Variants in MFAP5 observed in about 807,000 individuals in gnomAD.
The protein encoded by MFAP5 is microfibril associated protein 5.
A neutral mutation model predicts 30.1 loss-of-function variants in MFAP5; 19 were observed. That is an observed-to-expected ratio of 0.63 (90% CI 0.44 to 0.93). MFAP5 has a LOEUF of 0.93. Among genes scored for constraint, MFAP5 ranks in the 40% least tolerant of loss-of-function variants. MFAP5 has a pLI of 0.00. For missense variants in MFAP5, 210 were observed against 221.3 expected (o/e 0.95, Z 0.32); for synonymous variants, 92 against 72.9 (o/e 1.26, Z -1.33).
At chr12:8,654,384 G>A in intron 6 of MFAP5, 53 bp downstream of exon 6, 1 of 1,520,994 alleles carries the variant, frequency 6.6e-7, no homozygotes, top group East Asian at 2.3e-5. Context: ...AATGGGCTCT[G>A]GGGAAAGCCT....
At chr12:8,656,603 C>CATATATAT (rs1460861016) in intron 3 of MFAP5, among the ~76,000 whole-genome samples, 5 of 138,884 alleles carry the variant, frequency 3.6e-5, no homozygotes, top group African/African-American at 1.5e-4. Flanking sequence ...CACACACACA[C>CATATATAT]ACACACATAT....
At chr12:8,656,737 C>A (rs151178890) in intron 3 of MFAP5, among the ~76,000 whole-genome samples, 147 of 150,108 alleles carry the variant, frequency 9.8e-4, no homozygotes, top group East Asian at 1.4e-3. Flanking sequence ...CGCACGATCT[C>A]GGCTCACTGC....
chr12:8,648,911 A>G (rs1941756534), intron 9 of MFAP5, among the ~76,000 whole-genome samples: 1 of 152,172 alleles, frequency 6.6e-6, no homozygotes, highest in South Asian at 2.1e-4. Context: ...ATGGTCTACA[A>G]CCACACATTT....
At chr12:8,655,094 A>C (rs998412875) in intron 5 of MFAP5, among the ~76,000 whole-genome samples, 1 of 152,096 alleles carries the variant, frequency 6.6e-6, no homozygotes, top group African/African-American at 2.4e-5. Context: ...CTCGGCCAAC[A>C]TGGTGAAATC....
intron 3 of MFAP5, among the ~76,000 whole-genome samples, chr12:8,658,860 C>CACT (rs1322421187): frequency 1.3e-5 from 2 of 151,986 alleles, no homozygotes; most frequent in African/African-American, 4.8e-5. Context: ...GAGAGAGTCT[C>CACT]ACTCTGTTGC....
At chr12:8,649,306 G>T (rs1941765878) in intron 9 of MFAP5, among the ~76,000 whole-genome samples, 195 bp downstream of exon 9, 1 of 151,798 alleles carries the variant, frequency 6.6e-6, no homozygotes, top group Non-Finnish European at 1.5e-5. Flanking sequence ...TTTTCTTAGG[G>T]TTATGTTTGT....
intron 3 of MFAP5, chr12:8,658,662 G>A (rs35253464): frequency 0.12 from 18,823 of 151,924 alleles, 1,516 homozygotes; most frequent in African/African-American, 0.23. Context: ...AAGCAATGGG[G>A]GAACAGAGGG....
chr12:8,660,881 C>A lies in MFAP5; in HGVS notation c.76G>T (p.Val26Phe). 5 of 1,612,546 alleles carry A rather than the reference C, an allele frequency of 3.1e-6. No individual in the cohort carries two copies. Among genetic ancestry groups the A allele is most frequent in the Non-Finnish European group, 4.2e-6 (5 of 1,178,886 alleles). The change falls in exon 3 of 10, where the codon GTC becomes TTC. Residue 26 changes from valine to phenylalanine, a missense_variant. Physicochemically the swap from Val to Phe is conservative, Grantham distance 50. Transcript: ENST00000359478. ...CACCTACCTCCTCGTTGACTATTGA[C>A]CCCCAGGGGTATCCAGTCTATAGCA... is the stretch of plus-strand genomic sequence containing the variant. ...IITSDWIPLG[V>F]NSQRGDDVTQ... is the part of the protein sequence containing the mutation.
chr12:8,656,227 A>G (rs1237818593), intron 3 of MFAP5, among the ~76,000 whole-genome samples: 3 of 151,114 alleles, frequency 2.0e-5, no homozygotes, highest in Non-Finnish European at 2.9e-5. Context: ...CGCCCGGCTA[A>G]TTTTTTGTAT....
Position 8,648,198 on chromosome 12 carries a change from G to T in MFAP5, c.415C>A (p.Leu139Ile), listed in dbSNP as rs1002670480. 3.7e-6 allele frequency: 6 copies of T among 1,612,062 alleles called. No individual in the cohort carries two copies. The Admixed American group carries it at 5.0e-5, about 13-fold the overall frequency. The change falls in exon 10 of 10, where the codon CTT (leucine) becomes ATT (isoleucine). Residue 139 changes from leucine to isoleucine, a missense_variant. By Grantham distance (5) the Leu-to-Ile change is conservative. Coordinates refer to ENST00000359478, the MANE Select transcript of MFAP5 (RefSeq NM_003480.4). ...CKEHEAMKDE[L>I]CRQMAGLPPR... ...GGCAGACCAGCCATCTGACGGCAAA[G>T]CTCATCTAGAAGAGAAGCAGAACAT...
chr12:8,654,572 A>G, intron 5 of MFAP5, 91 bp from the exon 6 acceptor site: 1 of 1,218,842 alleles, frequency 8.2e-7, no homozygotes, highest in Non-Finnish European at 1.2e-6. Context: ...ATACCGTGGC[A>G]GGTGGAAGAC....
At chr12:8,656,008 T>A (rs1941971616) in intron 3 of MFAP5, among the ~76,000 whole-genome samples, 178 bp from the exon 4 acceptor site, 1 of 152,094 alleles carries the variant, frequency 6.6e-6, no homozygotes, top group Admixed American at 6.5e-5. Flanking sequence ...AATACTTATT[T>A]AAAATGAAAT....
intron 7 of MFAP5, 87 bp downstream of exon 7, chr12:8,651,575 G>T: frequency 2.3e-6 from 3 of 1,289,860 alleles, no homozygotes; most frequent in Non-Finnish European, 3.4e-6. Flanking sequence ...ACTAGAAGAT[G>T]TGCCAAGTAC....
chr12:8,660,696 T>G (rs1448571583), intron 3 of MFAP5, among the ~76,000 whole-genome samples, 167 bp downstream of exon 3: 1 of 152,060 alleles, frequency 6.6e-6, no homozygotes, highest in East Asian at 1.9e-4. Context: ...ACTGGTGAAG[T>G]TGATCCTATT....
chr12:8,655,899 G>C, intron 3 of MFAP5, 69 bp from the exon 4 acceptor site: 1 of 1,400,594 alleles, frequency 7.1e-7, no homozygotes, highest in Non-Finnish European at 1.0e-6. Flanking sequence ...CTTCCAGTAA[G>C]TTAAATTGCG....
In MFAP5 at chr12:8,647,971, C is replaced by T. The variant is rs1941727691; in HGVS notation, c.*120G>A. The T allele has an allele frequency of 1.5e-6, 1 of 651,942 alleles. No individual in the cohort carries two copies. Among genetic ancestry groups the T allele is most frequent in the Non-Finnish European group, 2.6e-6 (1 of 387,184 alleles). 40.4% of individuals were successfully genotyped at this position (651,942 alleles called of 1,614,324 possible). ...GTAGAGAGTAGGGGTAAAAGCTGGA[C>T]ATTGCAAAAGGATTGGTTTAAGAAA... On this transcript the variant is annotated 3_prime_UTR_variant, in exon 10 of 10. Coordinates refer to ENST00000359478, the MANE Select transcript of MFAP5 (RefSeq NM_003480.4).
chr12:8,648,767 G>A (rs1941752979), intron 9 of MFAP5, among the ~76,000 whole-genome samples: 1 of 152,186 alleles, frequency 6.6e-6, no homozygotes, highest in Admixed American at 6.5e-5. Context: ...GTTAACTACA[G>A]CTCTTACTCA....
In MFAP5 at chr12:8,648,074, T is replaced by C. The variant is rs758260422; in HGVS notation, c.*17A>G. 10 of 1,589,298 alleles carry C rather than the reference T, an allele frequency of 6.3e-6. No homozygotes were observed. The highest frequency in any genetic ancestry group is 7.8e-6 in the Non-Finnish European group (9 of 1,158,542). Reference sequence around the variant, plus strand: ...CTCTCACCCATACATTTTTTCTTCTTTCCTCTTTTTCAATGATCACAGACC... The same window carrying C: ...CTCTCACCCATACATTTTTTCTTCTCTCCTCTTTTTCAATGATCACAGACC... On this transcript the variant is annotated 3_prime_UTR_variant, in exon 10 of 10. Transcript: ENST00000359478.
intron 3 of MFAP5, among the ~76,000 whole-genome samples, chr12:8,656,552 C>T (rs766344905): frequency 7.1e-6 from 1 of 141,268 alleles, no homozygotes; most frequent in Admixed American, 7.2e-5. Flanking sequence ...GGATTACAGG[C>T]GCATACCACC....
Sources: allele counts gnomAD v4.1 joint callset (sites outside exome capture counted in the v4.1 genomes callset), GRCh38; gene constraint gnomAD v4.1.1; transcripts MANE v1.5; gene names NCBI Gene and HGNC (gene_info 2026-07-23, HGNC 2026-07-21).